Variants in LRRFIP1 observed in about 807,000 individuals in gnomAD.
LRRFIP1 encodes leucine-rich repeat flightless-interacting protein 1.
A neutral mutation model predicts 104.4 loss-of-function variants in LRRFIP1; 62 were observed. The ratio of observed to expected loss-of-function variants is 0.59; its 90% CI spans 0.48 to 0.73. The LOEUF is 0.73. Among genes scored for constraint, LRRFIP1 ranks in the 30% least tolerant of loss-of-function variants. The probability of loss-of-function intolerance (pLI) is 0.00; values close to 1 mark genes in which losing one functional copy is unlikely to be tolerated. For missense variants in LRRFIP1, 796 were observed against 824.5 expected, an observed-to-expected ratio of 0.97 and a Z score of 0.42; for synonymous variants, 300 against 299.0, an observed-to-expected ratio of 1.00 and a Z score of -0.03.
intron 1 of LRRFIP1, among the ~76,000 whole-genome samples, chr2:237,654,464 A>G (rs568970283): frequency 4.6e-5 from 7 of 152,378 alleles, no homozygotes; most frequent in Admixed American, 3.3e-4. Flanking sequence ...AATTCCTCAG[A>G]AAATTAAGAA....
chr2:237,634,010 T>C (rs1467057386), intron 1 of LRRFIP1, among the ~76,000 whole-genome samples: 1 of 152,186 alleles, frequency 6.6e-6, no homozygotes, highest in African/African-American at 2.4e-5. Flanking sequence ...CTTTAAAAAA[T>C]TGATTTTTAT....
chr2:237,760,265 C>A, intron 19 of LRRFIP1, 60 bp downstream of exon 19: 2 of 1,580,044 alleles, frequency 1.3e-6, no homozygotes, highest in East Asian at 2.2e-5. Context: ...GTTCACCCTC[C>A]ATGCACTGCT....
chr2:237,664,419 C>T (rs2088774793), intron 1 of LRRFIP1, among the ~76,000 whole-genome samples: 1 of 152,202 alleles, frequency 6.6e-6, no homozygotes, highest in Non-Finnish European at 1.5e-5. Flanking sequence ...GACGGGGCCT[C>T]GGCGGTGTGG....
intron 23 of LRRFIP1, among the ~76,000 whole-genome samples, chr2:237,775,828 G>A (rs1256658185): frequency 6.6e-6 from 1 of 151,888 alleles, no homozygotes; most frequent in African/African-American, 2.4e-5. Flanking sequence ...GACAGAGTGA[G>A]ACCGTTTTTC....
In LRRFIP1 at chr2:237,636,507, CA is replaced by C. The variant is rs368991012; in HGVS notation, c.96+8768del. ...AGCATCCTTTCTTGACTCACTAATGCAGTACCTTTTCTTACTACTCTAAGGA... is the reference window on the plus strand; with the variant it reads ...AGCATCCTTTCTTGACTCACTAATGCGTACCTTTTCTTACTACTCTAAGGA... On this transcript the variant is annotated intron_variant, in intron 1 of 23. Coordinates refer to ENST00000308482, the MANE Select transcript of LRRFIP1 (RefSeq NM_001137550.2). 2.3e-3 allele frequency among the ~76,000 whole-genome samples: 346 copies of C among 152,164 alleles called. 3 individuals carry two copies. Among genetic ancestry groups the C allele is most frequent in the African/African-American group, 7.6e-3 (316 of 41,524 alleles).
chr2:237,687,885 A>G (rs2092489341), intron 1 of LRRFIP1, among the ~76,000 whole-genome samples: 1 of 152,156 alleles, frequency 6.6e-6, no homozygotes, highest in Admixed American at 6.5e-5. Context: ...CCCAAACCAC[A>G]GTGGGAGGCG....
chr2:237,722,425 A>G (rs2094567514), intron 6 of LRRFIP1, among the ~76,000 whole-genome samples: 1 of 152,210 alleles, frequency 6.6e-6, no homozygotes, highest in South Asian at 2.1e-4. Flanking sequence ...AACCATTGCA[A>G]TATGAACGAG....
intron 1 of LRRFIP1, among the ~76,000 whole-genome samples, chr2:237,675,395 T>TAATC (rs1221726162): frequency 6.6e-6 from 1 of 152,250 alleles, no homozygotes; most frequent in Non-Finnish European, 1.5e-5. Flanking sequence ...TGTTTCAGAA[T>TAATC]AATCAGTTTC....
chr2:237,651,924 G>A (rs906665345), intron 1 of LRRFIP1, among the ~76,000 whole-genome samples: 1 of 152,100 alleles, frequency 6.6e-6, no homozygotes, highest in Non-Finnish European at 1.5e-5. Context: ...TCACAGGCTC[G>A]GGCGCTGCCC....
intron 19 of LRRFIP1, chr2:237,768,209 T>C (rs1337104343): frequency 6.6e-6 from 1 of 152,240 alleles, no homozygotes; most frequent in Admixed American, 6.5e-5. Flanking sequence ...TCAAACTCTT[T>C]CGTTCTTGTT....
intron 1 of LRRFIP1, among the ~76,000 whole-genome samples, chr2:237,630,727 G>A (rs937355904): frequency 7.2e-5 from 11 of 152,342 alleles, no homozygotes; most frequent in African/African-American, 2.6e-4. Flanking sequence ...CGGAGGCAGG[G>A]CAGGATTCCC....
Position 237,766,651 on chromosome 2 carries a change from G to T in LRRFIP1, c.1460-3292G>T, listed in dbSNP as rs1236156236. ...GGTTTGATCACTTTGTACATGGAAG[G>T]CACTGTGCCAGTGAACAAGCAGTTG... On this transcript the variant is annotated intron_variant, in intron 19 of 23. Transcript: ENST00000308482. This position sits in a 1 kb window ranked among gnomAD's most constrained non-coding sequence, Gnocchi z 4.8. 6.6e-6 allele frequency among the ~76,000 whole-genome samples: 1 copy of T among 152,298 alleles called. No homozygotes were observed. The highest frequency in any genetic ancestry group is 1.9e-4 in the East Asian group (1 of 5,180).
At chr2:237,753,509 C>T (rs1045726027) in intron 15 of LRRFIP1, 30 bp downstream of exon 15, 9 of 1,531,848 alleles carry the variant, frequency 5.9e-6, no homozygotes, top group Middle Eastern at 3.5e-4. Flanking sequence ...AGAATGTTAA[C>T]AATAGGCTGC....
intron 11 of LRRFIP1, among the ~76,000 whole-genome samples, chr2:237,741,169 C>T (rs1559747780): frequency 6.6e-6 from 1 of 152,236 alleles, no homozygotes; most frequent in Non-Finnish European, 1.5e-5. Context: ...TCCAGGGGCA[C>T]ACCGCCCCCC....
chr2:237,685,621 G>GAGTCAAATCCT (rs1258038602), intron 1 of LRRFIP1, among the ~76,000 whole-genome samples: 1 of 151,996 alleles, frequency 6.6e-6, no homozygotes, highest in African/African-American at 2.4e-5. Flanking sequence ...GCTCACAATC[G>GAGTCAAATCCT]GATCAAATCC....
chr2:237,760,959 C>T (rs1417822522), intron 19 of LRRFIP1, among the ~76,000 whole-genome samples: 1 of 152,200 alleles, frequency 6.6e-6, no homozygotes, highest in East Asian at 1.9e-4. Context: ...GAGAAACCTT[C>T]AGATTCTGGC....
At chr2:237,698,923 G>A (rs1427214734) in intron 1 of LRRFIP1, among the ~76,000 whole-genome samples, 3 of 152,150 alleles carry the variant, frequency 2.0e-5, no homozygotes, top group Non-Finnish European at 2.9e-5. Context: ...GTCAACCAGC[G>A]CACATAATTT....
intron 1 of LRRFIP1, among the ~76,000 whole-genome samples, chr2:237,675,138 G>C (rs917735595): frequency 5.9e-5 from 9 of 152,290 alleles, no homozygotes; most frequent in Non-Finnish European, 7.4e-5. Flanking sequence ...CTGAGCCCCC[G>C]CTCTGAGGTC....
intron 11 of LRRFIP1, among the ~76,000 whole-genome samples, chr2:237,741,269 G>A (rs930928158): frequency 2.0e-5 from 3 of 152,246 alleles, no homozygotes; most frequent in Non-Finnish European, 4.4e-5. Flanking sequence ...AACCTGACAA[G>A]TTGGTCTTGA....
Sources: gnomAD v4.1 joint callset for allele counts (sites outside exome capture counted in the v4.1 genomes callset) on GRCh38, gnomAD v4.1.1 for gene constraint, Gnocchi (gnomAD v3.1) non-coding constraint, MANE v1.5 for transcripts, NCBI Gene and HGNC (gene_info 2026-07-23, HGNC 2026-07-21) for gene names.